FNDC1: variants seen among roughly 807,000 people sequenced by gnomAD.
FNDC1 encodes the protein fibronectin type III domain containing 1, also known as fibronectin type III domain-containing protein 1.
A neutral mutation model predicts 168.0 loss-of-function variants in FNDC1; 96 were observed. The observed-to-expected ratio is 0.57, with a 90% CI of 0.48 to 0.68. FNDC1 has a LOEUF of 0.68. Ranked by LOEUF, FNDC1 falls within the 30% of genes least tolerant of loss-of-function variation. The pLI, the probability that FNDC1 is intolerant of heterozygous loss-of-function variation, is 0.00. For synonymous variants in FNDC1, 1,099 were observed against 1,025.9 expected (o/e 1.07, Z -1.36); for missense variants, 2,587 against 2,482.1 (o/e 1.04, Z -0.90).
At chr6:159,226,387 A>C (rs1389920461) in intron 8 of FNDC1, 86 bp from the exon 9 acceptor site, 1 of 1,026,394 alleles carries the variant, frequency 9.7e-7, no homozygotes, top group Non-Finnish European at 1.4e-6. Flanking sequence ...AATTTAAAAA[A>C]ATGTGTACCT....
chr6:159,196,291 C>A, intron 1 of FNDC1, among the ~76,000 whole-genome samples: 1 of 152,212 alleles, frequency 6.6e-6, no homozygotes, highest in East Asian at 1.9e-4. Context: ...TCTAACGCTT[C>A]AAAATCCTCA....
intron 11 of FNDC1, among the ~76,000 whole-genome samples, chr6:159,235,346 C>A (rs1783226908): frequency 6.6e-6 from 1 of 151,660 alleles, no homozygotes; most frequent in Non-Finnish European, 1.5e-5. Flanking sequence ...CTGTACAATG[C>A]ATTGTTATTT....
At chr6:159,173,772 G>A (rs1026597477) in intron 1 of FNDC1, among the ~76,000 whole-genome samples, 3 of 152,188 alleles carry the variant, frequency 2.0e-5, no homozygotes, top group African/African-American at 4.8e-5. Context: ...AGTCTGAAAT[G>A]TGCGGTACTG....
rs58172338 is a variant in FNDC1, at chr6:159,266,888, CA to C, written c.5446+646del. On this transcript the variant is annotated intron_variant, in intron 21 of 22. Coordinates refer to ENST00000297267, the MANE Select transcript of FNDC1 (RefSeq NM_032532.3). ...TTTTTATCATGGTGGGAGATTAAAA[CA>C]AAGAATAATTCGAGTGCTTTGAGCT... is the stretch of plus-strand genomic sequence containing the variant. Among the ~76,000 whole-genome samples, 1,208 of 152,104 alleles carry C rather than the reference CA, an allele frequency of 7.9e-3. 22 individuals are homozygous for C. The highest frequency in any genetic ancestry group is 0.028 in the African/African-American group (1,160 of 41,492).
At chr6:159,197,830 T>C (rs907439514) in intron 2 of FNDC1, among the ~76,000 whole-genome samples, 6 of 152,228 alleles carry the variant, frequency 3.9e-5, no homozygotes, top group Non-Finnish European at 7.3e-5. Context: ...TCCCCATCCG[T>C]GCATGTGAAC....
chr6:159,266,379 A>G (rs1777593615), intron 21 of FNDC1, 134 bp downstream of exon 21: 7 of 916,098 alleles, frequency 7.6e-6, no homozygotes, highest in Non-Finnish European at 1.2e-5. Context: ...TGCCTCTAAT[A>G]CAAACCAATT....
intron 4 of FNDC1, among the ~76,000 whole-genome samples, chr6:159,212,943 T>G (rs764227847): frequency 5.8e-4 from 89 of 152,324 alleles, no homozygotes; most frequent in Non-Finnish European, 9.7e-4. Context: ...CCTAAACAGC[T>G]ATGTGACTGT....
intron 17 of FNDC1, among the ~76,000 whole-genome samples, chr6:159,255,703 G>A (rs1217466624): frequency 6.6e-6 from 1 of 152,218 alleles, no homozygotes; most frequent in East Asian, 1.9e-4. Flanking sequence ...CTAGGATCAT[G>A]AGGATTAATC....
intron 17 of FNDC1, among the ~76,000 whole-genome samples, chr6:159,255,204 T>A (rs778012840): frequency 6.6e-5 from 10 of 152,218 alleles, no homozygotes; most frequent in Non-Finnish European, 1.5e-4. Context: ...TCTGTGCTGC[T>A]TCAACTTCAG....
Position 159,169,863 on chromosome 6 carries a change from G to A in FNDC1, c.109+158G>A. The A allele has an allele frequency of 4.0e-6, 1 of 247,326 alleles. No homozygotes were observed. Among genetic ancestry groups the A allele is most frequent in the Non-Finnish European group, 7.5e-6 (1 of 133,314 alleles). The allele number at this position is 247,326 out of a possible 1,614,324, so 15.3% of individuals were successfully genotyped here. A position where few individuals can be genotyped will look rare whatever the true frequency, so the allele number is the denominator to read the frequency against. On this transcript the variant is annotated intron_variant, in intron 1 of 22. Transcript: ENST00000297267. The surrounding 1 kb of genome is among the most constrained non-coding windows in gnomAD (Gnocchi z 6.8). ...GGGGCACTTGGCGCCCTGTGTGGGTGGCGGGAGCGGGGACGCCTCGGTGCC... is the reference window on the plus strand; with the variant it reads ...GGGGCACTTGGCGCCCTGTGTGGGTAGCGGGAGCGGGGACGCCTCGGTGCC...
At chr6:159,182,102 G>T (rs1781892564) in intron 1 of FNDC1, among the ~76,000 whole-genome samples, 2 of 152,174 alleles carry the variant, frequency 1.3e-5, no homozygotes, top group African/African-American at 4.8e-5. Flanking sequence ...AGGATGTGAG[G>T]CCTTGGGGTG....
At chr6:159,209,919 G>A (rs1782563429) in intron 4 of FNDC1, among the ~76,000 whole-genome samples, 1 of 152,204 alleles carries the variant, frequency 6.6e-6, no homozygotes, top group Admixed American at 6.5e-5. Flanking sequence ...GGAGGAAGCA[G>A]TGTGTTGCTG....
Position 159,231,890 on chromosome 6 carries a change from G to C in FNDC1, c.1378G>C (p.Ala460Pro). 5 of 1,595,430 alleles carry C rather than the reference G, an allele frequency of 3.1e-6. No individual in the cohort carries two copies. The highest frequency in any genetic ancestry group is 4.3e-6 in the Non-Finnish European group (5 of 1,174,536). Residue 460 changes from alanine to proline, a missense_variant, in exon 11 of 23, where the codon GCG becomes CCG. By Grantham distance (27) the Ala-to-Pro change is conservative. Coordinates refer to ENST00000297267, the MANE Select transcript of FNDC1 (RefSeq NM_032532.3). ...TTTAAAATCTGTTGCAGCCAGTAAGGCGGATGTTGAGCAGAACACGGAGGA... is the reference window on the plus strand; with the variant it reads ...TTTAAAATCTGTTGCAGCCAGTAAGCCGGATGTTGAGCAGAACACGGAGGA... ...FIVAMPTTSK[A>P]DVEQNTEDNG...
chr6:159,233,728 C>G lies in FNDC1; in HGVS notation c.3216C>G (p.Asp1072Glu). 1 of 1,549,814 alleles carries G rather than the reference C, an allele frequency of 6.5e-7. No individual in the cohort carries two copies. The highest frequency in any genetic ancestry group is 1.2e-5 in the South Asian group (1 of 84,012). Reference sequence around the variant, plus strand: ...TCCCCACGGCCCTCCAGAACCAGGACGAGGATGCCCAGGGCAGCTACGACG... The same window carrying G: ...TCCCCACGGCCCTCCAGAACCAGGAGGAGGATGCCCAGGGCAGCTACGACG... Reference protein sequence around the residue: ...GMLPTALQNQDEDAQGSYDDD... With the variant: ...GMLPTALQNQEEDAQGSYDDD... Residue 1072 changes from aspartate (D) to glutamate (E), a missense_variant, in exon 11 of 23, where the codon GAC becomes GAG. Transcript: ENST00000297267. The surrounding 1 kb of genome is among the most constrained non-coding windows in gnomAD (Gnocchi z 4.6).
intron 12 of FNDC1, 98 bp from the exon 13 acceptor site, chr6:159,238,456 C>A: frequency 1.4e-6 from 1 of 730,038 alleles, no homozygotes; most frequent in Non-Finnish European, 2.2e-6. Context: ...TTACGGTTTC[C>A]TTCTGTGGAA....
chr6:159,270,114 G>C (rs1185065647), intron 22 of FNDC1, among the ~76,000 whole-genome samples: 1 of 152,104 alleles, frequency 6.6e-6, no homozygotes, highest in Non-Finnish European at 1.5e-5. Flanking sequence ...TGCTTGAGCT[G>C]GTGAGGTCTA....
chr6:159,204,425 A>G (rs1256682274), intron 4 of FNDC1, among the ~76,000 whole-genome samples: 1 of 152,152 alleles, frequency 6.6e-6, no homozygotes, highest in Admixed American at 6.5e-5. Context: ...CCATCTGATC[A>G]CCATCATCTC....
chr6:159,185,274 T>C (rs1205464774), intron 1 of FNDC1, among the ~76,000 whole-genome samples: 1 of 152,158 alleles, frequency 6.6e-6, no homozygotes, highest in East Asian at 1.9e-4. Flanking sequence ...CAAATAAGCA[T>C]TGAAATTGTC....
intron 19 of FNDC1, among the ~76,000 whole-genome samples, chr6:159,264,026 C>T (rs930004381): frequency 1.3e-5 from 2 of 152,194 alleles, no homozygotes; most frequent in Non-Finnish European, 2.9e-5. Flanking sequence ...GTCATATTCT[C>T]TTAAGTGGTG....
Sources: allele counts gnomAD v4.1 joint callset (sites outside exome capture counted in the v4.1 genomes callset), GRCh38; gene constraint gnomAD v4.1.1; non-coding constraint Gnocchi (gnomAD v3.1); transcripts MANE v1.5; gene names NCBI Gene and HGNC (gene_info 2026-07-23, HGNC 2026-07-21).